The following COL11A1 variants were observed in gnomAD, a reference collection of about 807,000 sequenced individuals.
COL11A1 encodes the protein collagen alpha-1(XI) chain.
In COL11A1, 74 loss-of-function variants were observed where a neutral mutation model predicts 265.2. The ratio of observed to expected loss-of-function variants is 0.28; its 90% CI spans 0.23 to 0.34. The LOEUF (loss-of-function observed/expected upper bound fraction) is 0.34. Ranked by LOEUF, COL11A1 falls within the 10% of genes least tolerant of loss-of-function variation. The pLI, the probability that COL11A1 is intolerant of heterozygous loss-of-function variation, is 1.00. For synonymous variants in COL11A1, 816 were observed against 727.6 expected (o/e 1.12, Z -1.96); for missense variants, 2,165 against 2,263.6 (o/e 0.96, Z 0.88).
Position 102,920,444 on chromosome 1 carries a change from CA to C in COL11A1, c.3709-81del, listed in dbSNP as rs1557822074. On this transcript the variant is annotated intron_variant, in intron 48 of 66. Coordinates refer to ENST00000370096, the MANE Select transcript of COL11A1 (RefSeq NM_001854.4). ...TCGTAAACATATGTCTAGTTGTTCT[CA>C]AAAAAGAGAAATAGATGCATGAGTA... is the stretch of plus-strand genomic sequence containing the variant. The C allele has an allele frequency of 6.5e-6, 8 of 1,229,382 alleles. 1 individual carries two copies. In the South Asian group the frequency reaches 9.8e-5, roughly 15 times the overall value. The allele number at this position is 1,229,382 out of a possible 1,614,324, so 76.2% of individuals were successfully genotyped here.
intron 36 of COL11A1, among the ~76,000 whole-genome samples, chr1:102,971,660 C>T (rs1234534823): frequency 6.6e-6 from 1 of 151,760 alleles, no homozygotes; most frequent in Non-Finnish European, 1.5e-5. Flanking sequence ...CTGAGGGAGA[C>T]TTTTTCCAGG....
At chr1:103,073,618 C>T (rs908569142) in intron 4 of COL11A1, among the ~76,000 whole-genome samples, 2 of 151,426 alleles carry the variant, frequency 1.3e-5, no homozygotes, top group African/African-American at 4.8e-5. Context: ...AAGTCAGAAA[C>T]GATAGCATCT....
chr1:102,972,052 T>C lies in COL11A1; in HGVS notation c.2809-1780A>G, dbSNP rs545708598. On this transcript the variant is annotated intron_variant, in intron 36 of 66. Coordinates refer to ENST00000370096, the MANE Select transcript of COL11A1 (RefSeq NM_001854.4). Reference sequence around the variant, plus strand: ...ATACAGAAATAAGTATTTAGTTGATTGGTAGTAGACTTCATTGAGGTCCAG... The same window carrying C: ...ATACAGAAATAAGTATTTAGTTGATCGGTAGTAGACTTCATTGAGGTCCAG... Among the ~76,000 whole-genome samples, 52 of 152,326 alleles carry C rather than the reference T, an allele frequency of 3.4e-4. 1 individual carries two copies. The South Asian group carries it at 0.01, about 30-fold the overall frequency.
rs565556074 is a variant in COL11A1 at position 102,968,333 on chromosome 1, T to C, written c.2862+1886A>G. 2.0e-5 allele frequency among the ~76,000 whole-genome samples: 3 copies of C among 152,338 alleles called. No homozygotes were observed. The South Asian group carries it at 6.2e-4, about 32-fold the overall frequency. On this transcript the variant is annotated intron_variant, in intron 37 of 66. Coordinates refer to ENST00000370096, the MANE Select transcript of COL11A1 (RefSeq NM_001854.4). Reference sequence around the variant, plus strand: ...AATCTTTAAAAGACTAAGCCAATTTTAGGACCAATACAGCATTTGGCACTA... The same window carrying C: ...AATCTTTAAAAGACTAAGCCAATTTCAGGACCAATACAGCATTTGGCACTA...
chr1:102,879,875 C>T lies in COL11A1; in HGVS notation c.5082G>A (p.Val1694=). ...TCAGAAGTTTCAGGAATGTCATTTG[C>T]ACCATATTGATGGAATTTCCTTCAA... ...LDVEGNSINM[V]QMTFLKLLTA... Residue 1694 remains valine, a synonymous_variant, in exon 66 of 67, where the codon GTG becomes GTA. Transcript: ENST00000370096. 1 of 1,613,802 alleles carries T rather than the reference C, an allele frequency of 6.2e-7. No individual in the cohort carries two copies. The highest frequency in any genetic ancestry group is 1.1e-5 in the South Asian group (1 of 91,078).
At position 102,998,379 on chromosome 1, in the gene COL11A1, A is replaced by T; in HGVS notation, c.2143-16T>A. On this transcript the variant is annotated splice_polypyrimidine_tract_variant and intron_variant, in intron 24 of 66. Transcript: ENST00000370096. ...CTTGTGGTCCCTTATAGAGAAAAAA[A>T]AAATATTAAAAAGATAAAAATAATT... The T allele has an allele frequency of 6.5e-7, 1 of 1,528,740 alleles. No homozygotes were observed. The highest frequency in any genetic ancestry group is 8.8e-7 in the Non-Finnish European group (1 of 1,135,830). The allele number at this position is 1,528,740 out of a possible 1,614,324, so 94.7% of individuals were successfully genotyped here.
intron 41 of COL11A1, among the ~76,000 whole-genome samples, chr1:102,956,974 T>C (rs932790432): frequency 1.3e-5 from 2 of 151,870 alleles, no homozygotes; most frequent in Non-Finnish European, 2.9e-5. Flanking sequence ...TTTTTAAAGC[T>C]ATGGTTAGCA....
At chr1:103,038,868 T>C (rs1668587639) in intron 4 of COL11A1, among the ~76,000 whole-genome samples, 1 of 152,088 alleles carries the variant, frequency 6.6e-6, no homozygotes, top group Non-Finnish European at 1.5e-5. Flanking sequence ...TAGTAAAAAA[T>C]ATATCTGTGA....
intron 46 of COL11A1, among the ~76,000 whole-genome samples, 170 bp from the exon 47 acceptor site, chr1:102,923,559 G>A (rs1221133859): frequency 6.6e-6 from 1 of 151,992 alleles, no homozygotes; most frequent in African/African-American, 2.4e-5. Context: ...GACCACATGT[G>A]ATAAAATCTT....
intron 54 of COL11A1, among the ~76,000 whole-genome samples, chr1:102,910,738 C>G (rs562865748): frequency 6.6e-6 from 1 of 151,960 alleles, no homozygotes; most frequent in Admixed American, 6.6e-5. Flanking sequence ...GGTGTTAGGT[C>G]CTCTGAGAAA....
intron 28 of COL11A1, among the ~76,000 whole-genome samples, chr1:102,991,799 A>G (rs1664164983): frequency 6.6e-6 from 1 of 151,652 alleles, no homozygotes; most frequent in Admixed American, 6.6e-5. Context: ...TCAAACTGTT[A>G]TCTTGCATAC....
In COL11A1 at chr1:102,979,063, T is replaced by A; in HGVS notation, c.2652A>T (p.Pro884=). ...GKPGPRGQRG[P]TGPRGSRGAR... ...CATTTTAAATCAAGGCACCTACCGTTGGACCACGCTGACCCCGAGGGCCTG... is the reference window on the plus strand; with the variant it reads ...CATTTTAAATCAAGGCACCTACCGTAGGACCACGCTGACCCCGAGGGCCTG... The change falls in exon 33 of 67, where the codon CCA becomes CCT. Residue 884 remains proline (P), a synonymous_variant. Coordinates refer to ENST00000370096, the MANE Select transcript of COL11A1 (RefSeq NM_001854.4). The A allele has an allele frequency of 6.2e-7, 1 of 1,614,176 alleles. No individual in the cohort carries two copies. Among genetic ancestry groups the A allele is most frequent in the Non-Finnish European group, 8.5e-7 (1 of 1,180,016 alleles).
rs547219683 is a variant in COL11A1, at chr1:102,913,680, C to T, written c.3989G>A (p.Gly1330Asp). The change falls in exon 53 of 67, where the codon GGT becomes GAT. Residue 1330 changes from glycine to aspartate, a missense_variant. Coordinates refer to ENST00000370096, the MANE Select transcript of COL11A1 (RefSeq NM_001854.4). ...PGEPGPAGQD[G>D]VGGDKGEDGD... ...ATCTTCACCCTTGTCACCACCAACA[C>T]CATCTTGACCCTATAAGAGGCAATA... The T allele has an allele frequency of 3.7e-6, 6 of 1,613,368 alleles. No individual in the cohort carries two copies. In the African/African-American group the frequency reaches 5.3e-5, roughly 14 times the overall value.
At chr1:102,961,732 A>T in intron 41 of COL11A1, 134 bp downstream of exon 41, 1 of 764,214 alleles carries the variant, frequency 1.3e-6, no homozygotes, top group Non-Finnish European at 2.3e-6. Flanking sequence ...AGTGGGAACT[A>T]GGCATTGACT....
chr1:102,965,113 A>G (rs1312784663), intron 38 of COL11A1, among the ~76,000 whole-genome samples: 1 of 152,184 alleles, frequency 6.6e-6, no homozygotes, highest in Non-Finnish European at 1.5e-5. Context: ...ACTCAAAACC[A>G]TGAAGTCATT....
chr1:102,963,901 A>G (rs1013850872), intron 38 of COL11A1, among the ~76,000 whole-genome samples: 10 of 152,180 alleles, frequency 6.6e-5, no homozygotes, highest in African/African-American at 2.4e-4. Flanking sequence ...CTGTTTAAAG[A>G]AAAGGGTGCA....
At chr1:102,882,426 A>T (rs914628385) in intron 64 of COL11A1, among the ~76,000 whole-genome samples, 1 of 152,124 alleles carries the variant, frequency 6.6e-6, no homozygotes, top group Non-Finnish European at 1.5e-5. Context: ...TTACATGCCA[A>T]GTAGTGTTGG....
chr1:103,076,128 G>T (rs1197084475), intron 3 of COL11A1, among the ~76,000 whole-genome samples: 15 of 151,962 alleles, frequency 9.9e-5, no homozygotes, highest in Admixed American at 9.8e-4. Context: ...TCATAATCAT[G>T]GTGTCATATA....
At chr1:103,092,006 C>A (rs1392283809) in intron 1 of COL11A1, among the ~76,000 whole-genome samples, 1 of 151,976 alleles carries the variant, frequency 6.6e-6, no homozygotes, top group East Asian at 1.9e-4. Flanking sequence ...CAGGAAAATT[C>A]CAGTTTAAAA....
Sources: allele counts gnomAD v4.1 joint callset (sites outside exome capture counted in the v4.1 genomes callset), GRCh38; gene constraint gnomAD v4.1.1; transcripts MANE v1.5; gene names NCBI Gene and HGNC (gene_info 2026-07-23, HGNC 2026-07-21).